The following GLIS1 variants were observed in gnomAD, a reference collection of about 807,000 sequenced individuals.
GLIS1 encodes zinc finger protein GLIS1.
GLIS1 carries 24 observed loss-of-function variants against 63.8 expected under a neutral mutation model. The observed-to-expected ratio is 0.38, with a 90% CI of 0.27 to 0.53. The LOEUF is 0.53. Among genes scored for constraint, GLIS1 ranks in the 20% least tolerant of loss-of-function variants. The pLI is 0.85. For synonymous variants in GLIS1, 450 were observed against 482.5 expected, an observed-to-expected ratio of 0.93 and a Z score of 0.88; for missense variants, 1,036 against 1,074.1, an observed-to-expected ratio of 0.96 and a Z score of 0.50.
intron 4 of GLIS1, among the ~76,000 whole-genome samples, chr1:53,538,117 C>T (rs944331689): frequency 2.6e-5 from 4 of 152,260 alleles, no homozygotes; most frequent in African/African-American, 7.2e-5. Context: ...CCCCGTGGGG[C>T]TCCTTGAGGG....
intron 2 of GLIS1, among the ~76,000 whole-genome samples, chr1:53,601,161 C>G (rs1206660195): frequency 6.6e-6 from 1 of 152,094 alleles, no homozygotes; most frequent in Non-Finnish European, 1.5e-5. Flanking sequence ...CGATGTGAGC[C>G]CCTACTCTGC....
intron 4 of GLIS1, among the ~76,000 whole-genome samples, chr1:53,585,937 G>C (rs1321773833): frequency 2.6e-5 from 4 of 152,236 alleles, no homozygotes; most frequent in African/African-American, 9.6e-5. Flanking sequence ...AAACAGACTT[G>C]GGAGTGAAGT....
chr1:53,677,826 T>A (rs958770168), intron 2 of GLIS1, among the ~76,000 whole-genome samples: 5 of 152,208 alleles, frequency 3.3e-5, no homozygotes, highest in South Asian at 2.1e-4. Flanking sequence ...CAAGCCTTCT[T>A]CTCGCTTAAG....
intron 2 of GLIS1, among the ~76,000 whole-genome samples, chr1:53,705,294 A>G (rs1399496788): frequency 6.6e-6 from 1 of 152,146 alleles, no homozygotes; most frequent in Non-Finnish European, 1.5e-5. Context: ...GGGTAACTTC[A>G]AGCTGGCTGA....
In GLIS1 at chr1:53,639,079, G is replaced by T. The variant is rs527604795; in HGVS notation, c.260-38801C>A. ...GGATTGAAACTAGGATCTGCCACTG[G>T]TTAACTGTGTGACTTTGAGCCAGTC... On this transcript the variant is annotated intron_variant, in intron 2 of 10. Transcript: ENST00000628545. The surrounding 1 kb of genome is among the most constrained non-coding windows in gnomAD (Gnocchi z 4.6). Among the ~76,000 whole-genome samples, 18 of 152,254 alleles carry T rather than the reference G, an allele frequency of 1.2e-4. No individual in the cohort carries two copies. The South Asian group carries it at 3.7e-3, about 32-fold the overall frequency.
In GLIS1 at chr1:53,524,830, G is replaced by A. The variant is rs1334114948; in HGVS notation, c.1540C>T (p.Leu514Phe). Residue 514 changes from leucine to phenylalanine, a missense_variant, in exon 6 of 11, where the codon CTC becomes TTC. Physicochemically the swap from Leu to Phe is conservative, Grantham distance 22. Coordinates refer to ENST00000628545, the MANE Select transcript of GLIS1 (RefSeq NM_001367484.1). Reference protein sequence around the residue: ...CSKRYTDPSSLRKHVKAHSAK... With the variant: ...CSKRYTDPSSFRKHVKAHSAK... ...GAATGGGCCTTGACGTGCTTGCGGA[G>A]GGAGCTGGGGTCTGTGTAGCGCTTG... The A allele has an allele frequency of 6.2e-7, 1 of 1,613,612 alleles. No homozygotes were observed. The highest frequency in any genetic ancestry group is 2.2e-5 in the East Asian group (1 of 44,884).
At chr1:53,723,744 C>A (rs1224396979) in intron 2 of GLIS1, among the ~76,000 whole-genome samples, 1 of 152,062 alleles carries the variant, frequency 6.6e-6, no homozygotes, top group Non-Finnish European at 1.5e-5. Context: ...GTATATAGTA[C>A]TCACGTGAGT....
chr1:53,549,294 A>G (rs535324093), intron 4 of GLIS1, among the ~76,000 whole-genome samples: 1 of 152,324 alleles, frequency 6.6e-6, no homozygotes, highest in Non-Finnish European at 1.5e-5. Flanking sequence ...TCTTTGCTCT[A>G]TACCTAGGAG....
At chr1:53,644,743 G>T (rs900130521) in intron 2 of GLIS1, among the ~76,000 whole-genome samples, 6 of 152,130 alleles carry the variant, frequency 3.9e-5, no homozygotes, top group African/African-American at 4.8e-5. Context: ...GGTGCATTTG[G>T]GGGGCCCCGG....
At chr1:53,664,481 A>G (rs1056706559) in intron 2 of GLIS1, among the ~76,000 whole-genome samples, 5 of 152,254 alleles carry the variant, frequency 3.3e-5, no homozygotes, top group Admixed American at 2.6e-4. Flanking sequence ...CATGCAGACA[A>G]CCATAACAAT....
At chr1:53,622,314 G>A (rs1217404463) in intron 2 of GLIS1, among the ~76,000 whole-genome samples, 3 of 151,348 alleles carry the variant, frequency 2.0e-5, no homozygotes, top group Admixed American at 6.6e-5. Flanking sequence ...TGTAATCCCA[G>A]CTACTCGGGA....
chr1:53,705,882 G>A (rs1251359944), intron 2 of GLIS1, among the ~76,000 whole-genome samples: 1 of 152,186 alleles, frequency 6.6e-6, no homozygotes. Flanking sequence ...GTCCGAGGAA[G>A]GCCAAGGTAA....
At chr1:53,587,313 T>G (rs1404084686) in intron 4 of GLIS1, among the ~76,000 whole-genome samples, 6 of 152,176 alleles carry the variant, frequency 3.9e-5, no homozygotes, top group Non-Finnish European at 7.4e-5. Flanking sequence ...AGAAGTGACA[T>G]GATCCCAGGA....
chr1:53,589,917 G>A (rs2100518505), intron 4 of GLIS1, among the ~76,000 whole-genome samples: 1 of 152,336 alleles, frequency 6.6e-6, no homozygotes, highest in African/African-American at 2.4e-5. Flanking sequence ...CGAATGGCAA[G>A]GACAGAGTGC....
intron 2 of GLIS1, among the ~76,000 whole-genome samples, chr1:53,694,953 T>A (rs915844048): frequency 1.3e-5 from 2 of 151,974 alleles, no homozygotes; most frequent in African/African-American, 2.4e-5. Context: ...TCTCTAAATA[T>A]ACGTAAATAT....
At chr1:53,663,853 G>C (rs149442321) in intron 2 of GLIS1, among the ~76,000 whole-genome samples, 1 of 152,342 alleles carries the variant, frequency 6.6e-6, no homozygotes, top group African/African-American at 2.4e-5. Context: ...CAAGGAGCCA[G>C]GATTTATGGG....
At chr1:53,532,964 T>C (rs1174056251) in intron 4 of GLIS1, among the ~76,000 whole-genome samples, 1 of 152,252 alleles carries the variant, frequency 6.6e-6, no homozygotes, top group Non-Finnish European at 1.5e-5. Context: ...TTGGTGTTCA[T>C]GGTCTTCCAA....
chr1:53,629,939 C>A (rs2100238076), intron 2 of GLIS1, among the ~76,000 whole-genome samples: 1 of 152,268 alleles, frequency 6.6e-6, no homozygotes, highest in South Asian at 2.1e-4. Flanking sequence ...GTTGACTGTG[C>A]TCGTTCATTC....
rs549518220 is a variant in GLIS1, at chr1:53,648,977, A to T, written c.260-48699T>A. On this transcript the variant is annotated intron_variant, in intron 2 of 10. Transcript: ENST00000628545. ...TTGTGTACTTTTCTATATACAGTTG[A>T]CTCTTGAACAAGATGGTTTTGAACT... 5.3e-5 allele frequency among the ~76,000 whole-genome samples: 8 copies of T among 152,180 alleles called. 1 individual carries two copies. The South Asian group carries it at 1.2e-3, about 24-fold the overall frequency.
Sources: allele counts gnomAD v4.1 joint callset (sites outside exome capture counted in the v4.1 genomes callset), GRCh38; gene constraint gnomAD v4.1.1; non-coding constraint Gnocchi (gnomAD v3.1); transcripts MANE v1.5; gene names NCBI Gene and HGNC (gene_info 2026-07-23, HGNC 2026-07-21).